C2CD4D: variants seen among roughly 807,000 people sequenced by gnomAD.
The protein encoded by C2CD4D is C2 calcium dependent domain containing 4D, also known as C2 calcium-dependent domain-containing protein 4D.
Under a neutral mutation model 0.2 loss-of-function variants are expected in C2CD4D, and 1 was observed. That is an observed-to-expected ratio of 4.00 (90% CI 1.42 to 18.99). C2CD4D has a LOEUF of 18.99. C2CD4D is among the 30% of genes most tolerant of loss of function. The pLI, the probability that C2CD4D is intolerant of heterozygous loss-of-function variation, is 0.11. For missense variants in C2CD4D, 552 were observed against 551.2 expected, an observed-to-expected ratio of 1.00 and a Z score of -0.01; for synonymous variants, 269 against 279.8, an observed-to-expected ratio of 0.96 and a Z score of 0.39.
chr1:151,838,757 G>T, exon 2 of C2CD4D: 1 of 1,341,540 alleles, frequency 7.5e-7, no homozygotes. Flanking sequence ...CGAGCAGGTC[G>T]CGGGGAGGCC....
At chr1:151,838,484 A>C (rs867370603) in exon 2 of C2CD4D, 1 of 1,397,168 alleles carries the variant, frequency 7.2e-7, no homozygotes. Context: ...TTCTGGGGAC[A>C]GAGAGTGAGG....
exon 2 of C2CD4D, chr1:151,838,889 G>T (rs1466234540): frequency 1.3e-6 from 2 of 1,544,234 alleles, no homozygotes; most frequent in Non-Finnish European, 8.7e-7. Flanking sequence ...GCTTGTGGGC[G>T]GGCCCGGGGC....
chr1:151,838,921 G>C (rs753860529), exon 2 of C2CD4D: 4 of 1,549,888 alleles, frequency 2.6e-6, no homozygotes, highest in South Asian at 2.4e-5. Context: ...AGAACAGGCC[G>C]GAAGGCGCCC....
At chr1:151,839,401 CGCATTATA>C (rs1179498939) in intron 1 of C2CD4D, among the ~76,000 whole-genome samples, 181 bp from the exon 2 acceptor site, 1 of 152,178 alleles carries the variant, frequency 6.6e-6, no homozygotes, top group Non-Finnish European at 1.5e-5. Context: ...GGATAATAAC[CGCATTATA>C]GCAAAAGGAC....
In C2CD4D at chr1:151,838,497, TG is replaced by T; in HGVS notation, c.492del (p.Arg165GlyfsTer74). 1 of 1,381,726 alleles carries T rather than the reference TG, an allele frequency of 7.2e-7. No individual in the cohort carries two copies. The highest frequency in any genetic ancestry group is 1.6e-5 in the South Asian group (1 of 61,840). The allele number at this position is 1,381,726 out of a possible 1,614,324, so 85.6% of individuals were successfully genotyped here. A position where few individuals can be genotyped will look rare whatever the true frequency, so the allele number is the denominator to read the frequency against. ...TTTTCTGGGGACAGAGAGTGAGGCC[TG>T]GACACCCGGCGCCGGCCCAGGCCTG... On this transcript the variant is annotated frameshift_variant, in exon 2 of 2. Transcript: ENST00000454109. LOFTEE classifies it low-confidence loss of function (END_TRUNC).
chr1:151,837,966 G>A, exon 2 of C2CD4D: 1 of 1,548,258 alleles, frequency 6.5e-7, no homozygotes, highest in Admixed American at 2.0e-5. Context: ...GATGACCCGG[G>A]ACCTAGTCCC....
chr1:151,839,781 C>T (rs537133428), intron 1 of C2CD4D, among the ~76,000 whole-genome samples: 1 of 152,348 alleles, frequency 6.6e-6, no homozygotes, highest in East Asian at 1.9e-4. Context: ...CCCTGACCGT[C>T]CAGCTCCCGC....
chr1:151,837,864 C>A, exon 2 of C2CD4D: 1 of 1,436,072 alleles, frequency 7.0e-7, no homozygotes, highest in Non-Finnish European at 9.2e-7. Context: ...ACAAGCCGGG[C>A]AGGGTGGAAA....
At position 151,838,644 on chromosome 1, in the gene C2CD4D, C is replaced by A. The variant is rs537061891; in HGVS notation, c.346G>T (p.Gly116Trp). The A allele has an allele frequency of 3.6e-5, 48 of 1,334,734 alleles. No homozygotes were observed. The African/African-American group carries it at 6.9e-4, about 19-fold the overall frequency. The allele number at this position is 1,334,734 out of a possible 1,614,324, so 82.7% of individuals were successfully genotyped here. Residue 116 changes from glycine to tryptophan, a missense_variant, in exon 2 of 2, where the codon GGG becomes TGG. Gly to Trp is a radical substitution (Grantham distance 184). Coordinates refer to ENST00000454109, the Ensembl canonical transcript of C2CD4D. ...CGGGACTGCGCCGCGGGGAGTCCCC[C>A]GGCCGGGGCAGGTGGCGGCCCGTGG...
chr1:151,838,623 A>T, exon 2 of C2CD4D: 2 of 1,317,292 alleles, frequency 1.5e-6, no homozygotes, highest in Non-Finnish European at 1.9e-6. Context: ...TGCAGCCGGG[A>T]CTGCGCCGCG....
exon 2 of C2CD4D, chr1:151,838,448 G>C: frequency 7.1e-7 from 1 of 1,408,702 alleles, no homozygotes; most frequent in Non-Finnish European, 9.2e-7. Flanking sequence ...CGGCGAGTGC[G>C]GGCTGGTATC....
chr1:151,838,788 G>GGGCCGCGGGCACTGCGCCGCCC lies in C2CD4D; in HGVS notation c.180_201dup (p.Arg68GlyfsTer296), dbSNP rs1652675996. 2.2e-6 allele frequency: 3 copies of GGGCCGCGGGCACTGCGCCGCCC among 1,354,266 alleles called. No homozygotes were observed. The highest frequency in any genetic ancestry group is 2.8e-6 in the Non-Finnish European group (3 of 1,056,670). The allele number at this position is 1,354,266 out of a possible 1,614,324, so 83.9% of individuals were successfully genotyped here. A position where few individuals can be genotyped will look rare whatever the true frequency, so the allele number is the denominator to read the frequency against. On this transcript the variant is annotated frameshift_variant, in exon 2 of 2. Transcript: ENST00000454109. LOFTEE classifies it low-confidence loss of function (END_TRUNC). ...AGGCCGCGCCCCGCCACGTGCCGCC[G>GGGCCGCGGGCACTGCGCCGCCC]GGCCGCGGGCACTGCGCCGCCCGGG... is the stretch of plus-strand genomic sequence containing the variant.
Position 151,838,833 on chromosome 1 carries a change from T to TA in C2CD4D, c.156_157insT (p.Ile53TyrfsTer304). 1 of 1,474,950 alleles carries TA rather than the reference T, an allele frequency of 6.8e-7. No individual in the cohort carries two copies. The highest frequency in any genetic ancestry group is 9.0e-7 in the Non-Finnish European group (1 of 1,114,544). 91.4% of individuals were successfully genotyped at this position (1,474,950 alleles called of 1,614,324 possible). On this transcript the variant is annotated frameshift_variant, in exon 2 of 2. Transcript: ENST00000454109. LOFTEE classifies it low-confidence loss of function (END_TRUNC). Reference sequence around the variant, plus strand: ...CCCGGGTCCGGGAGCCGAGGCGGGATGAAGAACTGCGGGATGCGATCCGGG... The same window carrying TA: ...CCCGGGTCCGGGAGCCGAGGCGGGATAGAAGAACTGCGGGATGCGATCCGGG...
chr1:151,840,032 C>G (rs1652739665), intron 1 of C2CD4D, among the ~76,000 whole-genome samples: 1 of 152,236 alleles, frequency 6.6e-6, no homozygotes, highest in Non-Finnish European at 1.5e-5. Flanking sequence ...GCTAGCGACC[C>G]TCTCCGTCGC....
chr1:151,838,262 C>T, exon 2 of C2CD4D: 7 of 1,326,374 alleles, frequency 5.3e-6, no homozygotes, highest in Non-Finnish European at 6.7e-6. Flanking sequence ...CCGGGGCAGG[C>T]CCTCGGCGCT....
exon 2 of C2CD4D, chr1:151,838,147 G>C (rs1331565053): frequency 6.4e-7 from 1 of 1,551,294 alleles, no homozygotes; most frequent in East Asian, 2.4e-5. Context: ...TGGGGTTGGC[G>C]CTGCACTTGA....
chr1:151,838,640 C>T lies in C2CD4D; in HGVS notation c.350G>A (p.Gly117Glu), dbSNP rs1407577580. The change falls in exon 2 of 2, where the codon GGA (glycine) becomes GAA (glutamate). Residue 117 changes from glycine to glutamate, a missense_variant. By Grantham distance (98) the Gly-to-Glu change is moderately conservative. Coordinates refer to ENST00000454109, the Ensembl canonical transcript of C2CD4D. ...CAGCCGGGACTGCGCCGCGGGGAGT[C>T]CCCCGGCCGGGGCAGGTGGCGGCCC... 9 of 1,331,252 alleles carry T rather than the reference C, an allele frequency of 6.8e-6. No individual in the cohort carries two copies. The East Asian group carries it at 1.9e-4, about 28-fold the overall frequency. The allele number at this position is 1,331,252 out of a possible 1,614,324, so 82.5% of individuals were successfully genotyped here.
At position 151,837,910 on chromosome 1, in the gene C2CD4D, G is replaced by A. The variant is rs78950740; in HGVS notation, c.*18C>T. On this transcript the variant is annotated 3_prime_UTR_variant, in exon 2 of 2. Transcript: ENST00000454109. ...TGCAGACACAGTGGAGACGTCCTGA[G>A]GAAGCCAGGGGCTCAGGCTACAGGC... The A allele has an allele frequency of 4.8e-4, 726 of 1,500,804 alleles. 7 individuals carry two copies. The African/African-American group carries it at 9.3e-3, about 19-fold the overall frequency. The allele number at this position is 1,500,804 out of a possible 1,614,324, so 93.0% of individuals were successfully genotyped here. A position where few individuals can be genotyped will look rare whatever the true frequency, so the allele number is the denominator to read the frequency against.
exon 2 of C2CD4D, chr1:151,838,843 C>T: frequency 6.6e-7 from 1 of 1,504,696 alleles, no homozygotes; most frequent in Non-Finnish European, 8.9e-7. Context: ...TGAAGAACTG[C>T]GGGATGCGAT....
Sources: gnomAD v4.1 joint callset for allele counts (sites outside exome capture counted in the v4.1 genomes callset) on GRCh38, gnomAD v4.1.1 for gene constraint, MANE v1.5 for transcripts, NCBI Gene and HGNC (gene_info 2026-07-23, HGNC 2026-07-21) for gene names.